Variants in RELB observed in about 807,000 individuals in gnomAD.
RELB encodes the protein RELB proto-oncogene, NF-kB subunit, also known as transcription factor RelB.
RELB carries 14 observed loss-of-function variants against 55.4 expected under a neutral mutation model. That is an observed-to-expected ratio of 0.25 (90% CI 0.17 to 0.40). The LOEUF (loss-of-function observed/expected upper bound fraction) is 0.40. Ranked by LOEUF, RELB falls within the 10% of genes least tolerant of loss-of-function variation. The probability of loss-of-function intolerance (pLI) is 1.00; values close to 1 mark genes in which losing one functional copy is unlikely to be tolerated. For synonymous variants in RELB, 409 were observed against 371.3 expected (o/e 1.10, Z -1.17); for missense variants, 669 against 830.7 (o/e 0.81, Z 2.39).
At chr19:45,026,318 G>A (rs747044562) in intron 7 of RELB, among the ~76,000 whole-genome samples, 3 of 152,078 alleles carry the variant, frequency 2.0e-5, no homozygotes, top group Non-Finnish European at 4.4e-5. Flanking sequence ...TGGGAAGATT[G>A]CTTGAGCCCA....
At chr19:45,004,072 G>A (rs1043517219) in intron 2 of RELB, among the ~76,000 whole-genome samples, 7 of 151,146 alleles carry the variant, frequency 4.6e-5, no homozygotes, top group African/African-American at 7.3e-5. Context: ...ACAGGCACCC[G>A]CCACCACAAC....
chr19:45,012,166 C>T lies in RELB; in HGVS notation c.394C>T (p.Gln132Ter). ...GCAGCCGCACCTGGTCATCACGGAG[C>T]AGCCCAAGCAGCGCGGCATGCGCTT... Reference protein sequence around the residue: ...GPQPHLVITEQPKQRGMRFRY... With the variant: ...GPQPHLVITE The change falls in exon 4 of 12, where the codon CAG (glutamine) becomes TAG (stop). Residue 132 changes from glutamine (Q) to a stop codon, truncating the protein, a stop_gained. Transcript: ENST00000221452. LOFTEE classifies it high-confidence loss of function. The T allele has an allele frequency of 6.4e-7, 1 of 1,558,086 alleles. No homozygotes were observed.
At chr19:45,032,803 T>C (rs34293391) in intron 9 of RELB, 54 bp downstream of exon 9, 38,653 of 1,469,466 alleles carry the variant, frequency 0.026, 740 homozygotes, top group Non-Finnish European at 0.03. Flanking sequence ...GTCTTTGGCC[T>C]TGGGGAGACC....
Position 45,021,937 on chromosome 19 carries a change from C to T in RELB, c.505-116C>T, listed in dbSNP as rs34657088. The T allele has an allele frequency of 1.2e-3, 1,317 of 1,074,460 alleles. 8 individuals are homozygous for T. The African/African-American group carries it at 0.019, about 15-fold the overall frequency. The allele number at this position is 1,074,460 out of a possible 1,614,324, so 66.6% of individuals were successfully genotyped here. ...TCGCGGGAGAAGGTTGGGGAGCTCCCAACAGAGGACCCTAGTGGGGAGAGG... is the reference window on the plus strand; with the variant it reads ...TCGCGGGAGAAGGTTGGGGAGCTCCTAACAGAGGACCCTAGTGGGGAGAGG... On this transcript the variant is annotated intron_variant, in intron 4 of 11. Coordinates refer to ENST00000221452, the MANE Select transcript of RELB (RefSeq NM_006509.4).
chr19:45,024,648 C>G (rs1971536070), intron 5 of RELB, among the ~76,000 whole-genome samples: 1 of 152,068 alleles, frequency 6.6e-6, no homozygotes, highest in Non-Finnish European at 1.5e-5. Context: ...CTCCCGGGCT[C>G]AAGCAATTCT....
In RELB at chr19:45,037,578, C is replaced by T; in HGVS notation, c.1528C>T (p.Pro510Ser). 2 of 1,612,504 alleles carry T rather than the reference C, an allele frequency of 1.2e-6. No homozygotes were observed. ...TMLDLLPPAPPHASAVVCSGG... is the reference protein window; with the variant it reads ...TMLDLLPPAPSHASAVVCSGG... ...GCTGGACCTGCTGCCCCCGGCACCGCCACACGCTAGCGCTGTTGTGTGCAG... is the reference window on the plus strand; with the variant it reads ...GCTGGACCTGCTGCCCCCGGCACCGTCACACGCTAGCGCTGTTGTGTGCAG... The change falls in exon 12 of 12, where the codon CCA becomes TCA. Residue 510 changes from proline (P) to serine (S), a missense_variant. By Grantham distance (74) the Pro-to-Ser change is moderately conservative. This residue lies in a region of RELB where 341 missense variants were observed against 436.8 expected (regional missense o/e 0.78). Transcript: ENST00000221452.
At position 45,002,975 on chromosome 19, in the gene RELB, C is replaced by T. The variant is rs1267443967; in HGVS notation, c.133C>T (p.Leu45Phe). Residue 45 changes from leucine to phenylalanine, a missense_variant, in exon 2 of 12, where the codon CTC becomes TTC. Physicochemically the swap from Leu to Phe is conservative, Grantham distance 22 (BLOSUM62 0). This residue lies in a region of RELB where 323 missense variants were observed against 368.5 expected (regional missense o/e 0.88). Coordinates refer to ENST00000221452, the MANE Select transcript of RELB (RefSeq NM_006509.4). ...GTCCCCCGACCTCTCCTCACTCTCG[C>T]TCGCCGTTTCCAGGAGCACAGGTGA... The part of the protein sequence containing the change: ...LGSPDLSSLS[L>F]AVSRSTDELE... 3.1e-6 allele frequency: 5 copies of T among 1,613,484 alleles called. No homozygotes were observed. In the Middle Eastern group the frequency reaches 4.9e-4, roughly 160 times the overall value.
rs774125980 is a variant in RELB at position 45,037,401 on chromosome 19, G to A, written c.1355-4G>A. 6.4e-7 allele frequency: 1 copy of A among 1,558,876 alleles called. No individual in the cohort carries two copies. The highest frequency in any genetic ancestry group is 1.9e-5 in the Admixed American group (1 of 52,952). On this transcript the variant is annotated splice_region_variant and splice_polypyrimidine_tract_variant and intron_variant, in intron 11 of 11. Coordinates refer to ENST00000221452, the MANE Select transcript of RELB (RefSeq NM_006509.4). ...CTACACTTCTCTTGTCTTCATCCCC[G>A]TAGGCCCGTTCCTCCCGCCGTCAGC... is the stretch of plus-strand genomic sequence containing the variant.
At position 45,011,979 on chromosome 19, in the gene RELB, CG is replaced by C; in HGVS notation, c.212del (p.Gly71AspfsTer20). The stretch of plus-strand genomic sequence containing the variant: ...TCAAGGAGAACGGCTTCGGCCTGGA[CG>C]GGGGACAGCCGGGCCCGGGCGAGGG... The part of the protein sequence containing the change: ...YIKENGFGLD[G>X]GQPGPGEGLP... On this transcript the variant is annotated frameshift_variant, in exon 4 of 12. Coordinates refer to ENST00000221452, the MANE Select transcript of RELB (RefSeq NM_006509.4). LOFTEE classifies it high-confidence loss of function. The C allele has an allele frequency of 1.3e-6, 2 of 1,567,870 alleles. No homozygotes were observed. Among genetic ancestry groups the C allele is most frequent in the Admixed American group, 2.0e-5 (1 of 51,124 alleles).
chr19:45,007,655 C>T (rs1158590107), intron 2 of RELB, among the ~76,000 whole-genome samples: 6 of 151,220 alleles, frequency 4.0e-5, no homozygotes, highest in African/African-American at 7.3e-5. Flanking sequence ...GCCAGGAGTT[C>T]GAGACCAGCC....
In RELB at chr19:45,037,490, C is replaced by A. The variant is rs745736943; in HGVS notation, c.1440C>A (p.Gly480=). The A allele has an allele frequency of 2.1e-5, 34 of 1,612,086 alleles. No individual in the cohort carries two copies. The highest frequency in any genetic ancestry group is 3.3e-4 in the Middle Eastern group (2 of 6,082). The change falls in exon 12 of 12, where the codon GGC becomes GGA. Residue 480 remains glycine, a synonymous_variant. Transcript: ENST00000221452. ...TVSLPGLEPP[G]GPDLLDDGFA... ...CCCTGCCCGGCCTGGAGCCCCCTGG[C>A]GGGCCTGACCTCCTGGACGATGGCT...
intron 7 of RELB, 127 bp downstream of exon 7, chr19:45,025,864 C>T (rs547288469): frequency 1.4e-5 from 17 of 1,213,434 alleles, no homozygotes; most frequent in African/African-American, 6.0e-5. Context: ...TTTGGGAGGT[C>T]GAGGTGGGAG....
intron 9 of RELB, among the ~76,000 whole-genome samples, chr19:45,033,275 G>A (rs923943181): frequency 2.6e-5 from 4 of 152,274 alleles, no homozygotes; most frequent in Admixed American, 1.3e-4. Flanking sequence ...GACTAAGCAG[G>A]GAAGTTTTCT....
At chr19:45,032,438 G>A (rs528072056) in intron 8 of RELB, 96 bp from the exon 9 acceptor site, 2 of 1,024,862 alleles carry the variant, frequency 2.0e-6, no homozygotes, top group Admixed American at 2.4e-5. Context: ...TTTAAAAAGG[G>A]GGAATATTAG....
intron 3 of RELB, among the ~76,000 whole-genome samples, chr19:45,010,681 TTTAAG>T (rs1242326626): frequency 6.6e-6 from 1 of 152,088 alleles, no homozygotes; most frequent in African/African-American, 2.4e-5. Context: ...TATTTATTTA[TTTAAG>T]TTATTTTTTG....
chr19:45,034,448 C>T lies in RELB; in HGVS notation c.1277-3C>T, dbSNP rs2122495081. 6.2e-7 allele frequency: 1 copy of T among 1,612,138 alleles called. No homozygotes were observed. The highest frequency in any genetic ancestry group is 8.5e-7 in the Non-Finnish European group (1 of 1,179,084). The stretch of plus-strand genomic sequence containing the variant: ...AGGGGTCCTCATCTCTGCCTTCCCT[C>T]AGACCCCCATGGCATCGAGAGCAAA... On this transcript the variant is annotated splice_region_variant and splice_polypyrimidine_tract_variant and intron_variant, in intron 10 of 11. Coordinates refer to ENST00000221452, the MANE Select transcript of RELB (RefSeq NM_006509.4).
In RELB at chr19:45,022,094, C is replaced by T; in HGVS notation, c.546C>T (p.Ala182=). ...CGGLREVEVT[A]CLVWKDWPHR... is the part of the protein sequence containing the mutation. ...GGCTGCGGGAGGTGGAGGTGACTGC[C>T]TGCCTGGTGTGGAAGGACTGGCCTC... is the stretch of plus-strand genomic sequence containing the variant. The change falls in exon 5 of 12, where the codon GCC becomes GCT. Residue 182 remains alanine (A), a synonymous_variant. Transcript: ENST00000221452. The T allele has an allele frequency of 6.2e-7, 1 of 1,613,546 alleles. No individual in the cohort carries two copies. Among genetic ancestry groups the T allele is most frequent in the South Asian group, 1.1e-5 (1 of 91,030 alleles).
intron 5 of RELB, among the ~76,000 whole-genome samples, chr19:45,023,599 G>A (rs1044288044): frequency 7.9e-5 from 12 of 151,360 alleles, no homozygotes; most frequent in Admixed American, 5.3e-4. Flanking sequence ...CACCACACCC[G>A]GCTATTTTTT....
chr19:45,011,418 T>C (rs1260714719), intron 3 of RELB, among the ~76,000 whole-genome samples: 1 of 152,076 alleles, frequency 6.6e-6, no homozygotes, highest in Non-Finnish European at 1.5e-5. Flanking sequence ...CGCCTCGGCC[T>C]CCCGAAATGC....
Sources: allele counts gnomAD v4.1 joint callset (sites outside exome capture counted in the v4.1 genomes callset), GRCh38; gene constraint gnomAD v4.1.1; regional missense constraint gnomAD v4.1.1; transcripts MANE v1.5; gene names NCBI Gene and HGNC (gene_info 2026-07-23, HGNC 2026-07-21).